The following PLEC variants were observed in gnomAD, a reference collection of about 807,000 sequenced individuals.
PLEC encodes hemidesmosomal protein 1.
Under a neutral mutation model 392.8 loss-of-function variants are expected in PLEC, and 216 were observed. The ratio of observed to expected loss-of-function variants is 0.55; its 90% CI spans 0.49 to 0.62. The LOEUF (loss-of-function observed/expected upper bound fraction) is 0.62, where lower values mean the gene tolerates loss of function less well. Among genes scored for constraint, PLEC ranks in the 20% least tolerant of loss-of-function variants. PLEC has a pLI of 0.00. For synonymous variants in PLEC, 3,621 were observed against 2,980.6 expected (o/e 1.21, Z -7.00); for missense variants, 6,863 against 6,563.4 (o/e 1.05, Z -1.58).
Position 143,927,695 on chromosome 8 carries a change from C to T in PLEC, c.3471G>A (p.Gln1157=), listed in dbSNP as rs1554708334. 1 of 1,583,712 alleles carries T rather than the reference C, an allele frequency of 6.3e-7. No homozygotes were observed. The highest frequency in any genetic ancestry group is 2.3e-5 in the East Asian group (1 of 43,336). Residue 1157 remains glutamine, a synonymous_variant, in exon 27 of 32, where the codon CAG becomes CAA. Coordinates refer to ENST00000345136, the MANE Select transcript of PLEC (RefSeq NM_201384.3). ...DALRDELRGA[Q]EVGERLQQRH... Reference sequence around the variant, plus strand: ...GCTGCTGCAGTCGCTCCCCCACCTCCTGTGCCCCCCGCAGCTCATCCCGCA... The same window carrying T: ...GCTGCTGCAGTCGCTCCCCCACCTCTTGTGCCCCCCGCAGCTCATCCCGCA...
At position 143,918,407 on chromosome 8, in the gene PLEC, G is replaced by A. The variant is rs1025558613; in HGVS notation, c.11414C>T (p.Ala3805Val). ...EALRLLDAQL[A>V]TGGIVDPRLG... ...GCGGGGGTCCACGATGCCGCCGGTG[G>A]CCAGCTGGGCATCCAGCAGCCGCAG... Residue 3805 changes from alanine to valine, a missense_variant, in exon 32 of 32, where the codon GCC becomes GTC. By Grantham distance (64) the Ala-to-Val change is moderately conservative. Coordinates refer to ENST00000345136, the MANE Select transcript of PLEC (RefSeq NM_201384.3). The A allele has an allele frequency of 3.3e-5, 52 of 1,569,814 alleles. No individual in the cohort carries two copies. Among genetic ancestry groups the A allele is most frequent in the Non-Finnish European group, 4.4e-5 (51 of 1,162,288 alleles).
At position 143,931,999 on chromosome 8, in the gene PLEC, A is replaced by G. The variant is rs1554716037; in HGVS notation, c.2116T>C (p.Trp706Arg). 1.2e-6 allele frequency: 2 copies of G among 1,607,098 alleles called. No homozygotes were observed. Among genetic ancestry groups the G allele is most frequent in the Admixed American group, 1.7e-5 (1 of 59,612 alleles). Residue 706 changes from tryptophan (W) to arginine (R), a missense_variant, in exon 18 of 32, where the codon TGG becomes CGG. By Grantham distance (101) the Trp-to-Arg change is moderately radical (BLOSUM62 -3). Transcript: ENST00000345136. The part of the protein sequence containing the change: ...FQAALQTQWS[W>R]MLQLCCCIEA... Reference sequence around the variant, plus strand: ...ATACAGCAGCACAGCTGTAGCATCCAGCTCCACTGCGTCTGCAGGGCCGCC... The same window carrying G: ...ATACAGCAGCACAGCTGTAGCATCCGGCTCCACTGCGTCTGCAGGGCCGCC...
rs1554744909 is a variant in PLEC, at chr8:143,973,375, C to G, written c.70+28G>C. On this transcript the variant is annotated intron_variant, in intron 1 of 31. Transcript: ENST00000356346. The surrounding 1 kb of genome is among the most constrained non-coding windows in gnomAD (Gnocchi z 5.6). Reference sequence around the variant, plus strand: ...GGCGGCTGGGCTGTCAGGAGCGGCCCGACAGGCAGCGGGACGGGGGGCCGT... The same window carrying G: ...GGCGGCTGGGCTGTCAGGAGCGGCCGGACAGGCAGCGGGACGGGGGGCCGT... 3 of 1,556,080 alleles carry G rather than the reference C, an allele frequency of 1.9e-6. No individual in the cohort carries two copies. The South Asian group carries it at 3.5e-5, about 18-fold the overall frequency.
rs1220515680 is a variant in PLEC, at chr8:143,917,045, C to T, written c.12776G>A (p.Ser4259Asn). 1 of 1,610,134 alleles carries T rather than the reference C, an allele frequency of 6.2e-7. No homozygotes were observed. The highest frequency in any genetic ancestry group is 8.5e-7 in the Non-Finnish European group (1 of 1,177,708). The change falls in exon 32 of 32, where the codon AGC becomes AAC. Residue 4259 changes from serine to asparagine, a missense_variant. Transcript: ENST00000345136. ...CAGCTGGGTCCTGGAGACGGCGGGG[C>T]TGATGGGGTAGGAGGAGGAGGATCC... ...SVGSSSSYPISPAVSRTQLAS... is the reference protein window; with the variant it reads ...SVGSSSSYPINPAVSRTQLAS...
chr8:143,976,157 G>A (rs1833654194), upstream of PLEC, among the ~76,000 whole-genome samples: 1 of 152,214 alleles, frequency 6.6e-6, no homozygotes, highest in African/African-American at 2.4e-5. Context: ...CCGGGAGGGA[G>A]CCCGGGCCGC....
At position 143,919,908 on chromosome 8, in the gene PLEC, A is replaced by G. The variant is rs1554679858; in HGVS notation, c.9913T>C (p.Phe3305Leu). ...VETLRQERLS[F>L]SGLRAPVPAS... ...GGCACAGGGGCACGGAGGCCGCTGA[A>G]GGACAGCCTCTCCTGCCGCAGGGTC... is the stretch of plus-strand genomic sequence containing the variant. Residue 3305 changes from phenylalanine to leucine, a missense_variant, in exon 32 of 32, where the codon TTC becomes CTC. Physicochemically the swap from Phe to Leu is conservative, Grantham distance 22. Transcript: ENST00000345136. 6.2e-7 allele frequency: 1 copy of G among 1,612,990 alleles called. No homozygotes were observed. Among genetic ancestry groups the G allele is most frequent in the Non-Finnish European group, 8.5e-7 (1 of 1,180,008 alleles).
intron 18 of PLEC, 102 bp from the exon 19 acceptor site, chr8:143,931,761 G>A: frequency 5.2e-6 from 8 of 1,536,796 alleles, no homozygotes; most frequent in Non-Finnish European, 7.0e-6. Context: ...AGGAAGGAGT[G>A]GCAAAGCCCC....
upstream of PLEC, chr8:143,944,018 G>A (rs1381232069): frequency 4.9e-6 from 7 of 1,425,290 alleles, no homozygotes; most frequent in African/African-American, 2.8e-5. Flanking sequence ...TGCCCTGCCC[G>A]CAGGACCGCC....
upstream of PLEC, chr8:143,973,531 T>G: frequency 8.4e-7 from 1 of 1,190,220 alleles, no homozygotes; most frequent in Non-Finnish European, 1.0e-6. The surrounding 1 kb of genome is among the most constrained non-coding windows in gnomAD (Gnocchi z 5.6). Flanking sequence ...GGCCACTCTG[T>G]CCCCGCGGCC....
chr8:143,923,823 G>C lies in PLEC; in HGVS notation c.6106C>G (p.Leu2036Val), dbSNP rs1554694363. The C allele has an allele frequency of 6.3e-7, 1 of 1,584,204 alleles. No homozygotes were observed. Among genetic ancestry groups the C allele is most frequent in the South Asian group, 1.1e-5 (1 of 89,026 alleles). Residue 2036 changes from leucine (L) to valine (V), a missense_variant, in exon 31 of 32, where the codon CTG becomes GTG. By Grantham distance (32) the Leu-to-Val change is conservative (BLOSUM62 1). Transcript: ENST00000345136. ...ERAEQESARQ[L>V]QLAQEAAQKR... ...TGGGCGGCCTCCTGGGCCAGCTGCA[G>C]CTGCCGCGCCGACTCCTGCTCCGCT...
chr8:143,930,628 C>T (rs1826959753), intron 19 of PLEC, 92 bp from the exon 20 acceptor site: 2 of 1,349,128 alleles, frequency 1.5e-6, no homozygotes, highest in African/African-American at 1.4e-5. Context: ...GCCTGTGGGG[C>T]CCTCCTGATG....
chr8:143,918,914 C>T lies in PLEC; in HGVS notation c.10907G>A (p.Gly3636Asp), dbSNP rs782517278. 2.5e-6 allele frequency: 4 copies of T among 1,611,278 alleles called. No homozygotes were observed. Among genetic ancestry groups the T allele is most frequent in the Non-Finnish European group, 3.4e-6 (4 of 1,180,018 alleles). ...GCGCACGTAGTCGTAGGAGGCCAGA[C>T]CCTGCTGGCGGATGATCTCTGTCTT... ...IEKTEIIRQQGLASYDYVRRR... is the reference protein window; with the variant it reads ...IEKTEIIRQQDLASYDYVRRR... Residue 3636 changes from glycine (G) to aspartate (D), a missense_variant, in exon 32 of 32, where the codon GGT becomes GAT. Physicochemically the swap from Gly to Asp is moderately conservative, Grantham distance 94. Transcript: ENST00000345136.
At chr8:143,947,397 G>A (rs368933747) in intron 1 of PLEC, among the ~76,000 whole-genome samples, 191 of 152,330 alleles carry the variant, frequency 1.3e-3, no homozygotes, top group African/African-American at 3.8e-3. Context: ...CTCAGCTGGC[G>A]TCTCCTCCAC....
At chr8:143,971,107 A>G (rs1554744184) in intron 1 of PLEC, among the ~76,000 whole-genome samples, 1 of 151,828 alleles carries the variant, frequency 6.6e-6, no homozygotes, top group Non-Finnish European at 1.5e-5. Context: ...TCCAGGGGAG[A>G]GCCAGGGAAT....
upstream of PLEC, among the ~76,000 whole-genome samples, chr8:143,954,917 G>A (rs893892899): frequency 4.6e-5 from 7 of 152,312 alleles, no homozygotes; most frequent in South Asian, 6.2e-4. The surrounding 1 kb of genome is among the most constrained non-coding windows in gnomAD (Gnocchi z 4.6). Flanking sequence ...TTCCCCTCCT[G>A]TAAACAGACC....
At position 143,920,299 on chromosome 8, in the gene PLEC, T is replaced by G. The variant is rs782442925; in HGVS notation, c.9522A>C (p.Pro3174=). ...CACTGTAGGCCTTGGCGTCGGCCCT[T>G]GGTGCCGACAGGGCCCTGCTGGTCT... The part of the protein sequence containing the change: ...DEETSRALSA[P]RADAKAYSDP... Residue 3174 remains proline (P), a synonymous_variant, in exon 32 of 32, where the codon CCA becomes CCC. Transcript: ENST00000345136. 1 of 1,590,948 alleles carries G rather than the reference T, an allele frequency of 6.3e-7. No homozygotes were observed. Among genetic ancestry groups the G allele is most frequent in the South Asian group, 1.1e-5 (1 of 89,772 alleles).
At chr8:143,943,914 G>T, upstream of PLEC, 1 of 1,607,860 alleles carries the variant, frequency 6.2e-7, no homozygotes, top group Non-Finnish European at 8.5e-7. Flanking sequence ...AGCCGCCAGG[G>T]CTGCCCTTCC....
intron 1 of PLEC, among the ~76,000 whole-genome samples, chr8:143,962,366 C>T (rs954581757): frequency 1.3e-5 from 2 of 152,224 alleles, no homozygotes; most frequent in Non-Finnish European, 2.9e-5. Context: ...CTGCCGACAC[C>T]GGATTTTTAA....
rs782210150 is a variant in PLEC, at chr8:143,919,701, C to T, written c.10120G>A (p.Ala3374Thr). 1.2e-5 allele frequency: 20 copies of T among 1,603,798 alleles called. No individual in the cohort carries two copies. The highest frequency in any genetic ancestry group is 1.7e-5 in the Non-Finnish European group (20 of 1,175,708). Residue 3374 changes from alanine (A) to threonine (T), a missense_variant, in exon 32 of 32, where the codon GCC becomes ACC. Coordinates refer to ENST00000345136, the MANE Select transcript of PLEC (RefSeq NM_201384.3). ...DTKEKVSIYE[A>T]MRRGLLRATT... ...GCTCTCAGCAGGCCCCGGCGCATGGCCTCGTAGATGGACACCTTCTCCTTG... is the reference window on the plus strand; with the variant it reads ...GCTCTCAGCAGGCCCCGGCGCATGGTCTCGTAGATGGACACCTTCTCCTTG...
Sources: allele counts gnomAD v4.1 joint callset (sites outside exome capture counted in the v4.1 genomes callset), GRCh38; gene constraint gnomAD v4.1.1; non-coding constraint Gnocchi (gnomAD v3.1); transcripts MANE v1.5; gene names NCBI Gene and HGNC (gene_info 2026-07-23, HGNC 2026-07-21).